The following DNMBP variants were observed in gnomAD, a reference collection of about 807,000 sequenced individuals.
DNMBP encodes dynamin binding protein.
DNMBP carries 87 observed loss-of-function variants against 150.0 expected under a neutral mutation model. The observed-to-expected ratio is 0.58, with a 90% CI of 0.49 to 0.69. The LOEUF (loss-of-function observed/expected upper bound fraction) is 0.69. DNMBP is among the 30% of genes least tolerant of loss of function. The pLI, the probability that DNMBP is intolerant of heterozygous loss-of-function variation, is 0.00. For synonymous variants in DNMBP, 711 were observed against 750.4 expected (o/e 0.95, Z 0.86); for missense variants, 1,774 against 1,949.0 (o/e 0.91, Z 1.69).
chr10:99,946,413 G>A (rs1253810040), intron 4 of DNMBP, among the ~76,000 whole-genome samples: 1 of 152,152 alleles, frequency 6.6e-6, no homozygotes, highest in Non-Finnish European at 1.5e-5. Flanking sequence ...CTATTTAAAG[G>A]CATGTAAACC....
intron 9 of DNMBP, 76 bp from the exon 10 acceptor site, chr10:99,896,473 C>T (rs1050528764): frequency 7.0e-7 from 1 of 1,434,428 alleles, no homozygotes; most frequent in Non-Finnish European, 9.8e-7. Flanking sequence ...AGATGAACAC[C>T]CAAACGGGAG....
At chr10:99,905,534 G>C (rs571742648) in intron 6 of DNMBP, among the ~76,000 whole-genome samples, 72 of 152,220 alleles carry the variant, frequency 4.7e-4, no homozygotes, top group Non-Finnish European at 2.9e-5. Context: ...ACCAGCCTGG[G>C]CAACAGAGCA....
chr10:99,887,729 A>C (rs1329109976), intron 12 of DNMBP, among the ~76,000 whole-genome samples: 1 of 152,226 alleles, frequency 6.6e-6, no homozygotes, highest in Non-Finnish European at 1.5e-5. Flanking sequence ...AGATCCCTAC[A>C]AAACTATCAA....
At chr10:99,891,793 G>A (rs1431349439) in intron 11 of DNMBP, among the ~76,000 whole-genome samples, 5 of 146,894 alleles carry the variant, frequency 3.4e-5, no homozygotes, top group African/African-American at 7.7e-5. Flanking sequence ...GCCGCCCATC[G>A]TCTGAGACGT....
intron 1 of DNMBP, among the ~76,000 whole-genome samples, chr10:99,988,541 ATAC>A (rs2040852093): frequency 6.6e-6 from 1 of 152,236 alleles, no homozygotes; most frequent in African/African-American, 2.4e-5. Flanking sequence ...ATTAGAATTC[ATAC>A]TAGCAACACT....
At chr10:99,931,880 A>G (rs1159401230) in intron 4 of DNMBP, among the ~76,000 whole-genome samples, 2 of 152,242 alleles carry the variant, frequency 1.3e-5, no homozygotes, top group Non-Finnish European at 2.9e-5. Context: ...TGGAGGCTTC[A>G]GGGAAGCGGT....
intron 9 of DNMBP, 108 bp from the exon 10 acceptor site, chr10:99,896,505 C>T (rs2039657775): frequency 4.7e-6 from 5 of 1,053,828 alleles, no homozygotes; most frequent in Non-Finnish European, 7.3e-6. Context: ...CTTCAATGAG[C>T]TTATAACAAA....
At chr10:99,981,599 A>G (rs1280138078) in intron 1 of DNMBP, among the ~76,000 whole-genome samples, 1 of 152,258 alleles carries the variant, frequency 6.6e-6, no homozygotes, top group Non-Finnish European at 1.5e-5. Flanking sequence ...CAGTTTAATA[A>G]GTAATTTCTA....
intron 12 of DNMBP, among the ~76,000 whole-genome samples, chr10:99,887,012 CCA>C (rs1205950621): frequency 6.6e-6 from 1 of 152,146 alleles, no homozygotes; most frequent in East Asian, 1.9e-4. Flanking sequence ...GAATTTAACT[CCA>C]GAGTTAGTTG....
At chr10:99,943,335 TCTATTATCTGTTA>T (rs1335607937) in intron 4 of DNMBP, among the ~76,000 whole-genome samples, 1 of 152,206 alleles carries the variant, frequency 6.6e-6, no homozygotes, top group East Asian at 1.9e-4. Context: ...GCTATTTAAT[TCTATTATCTGTTA>T]CTAGTTTGAG....
intron 6 of DNMBP, among the ~76,000 whole-genome samples, chr10:99,900,834 G>A (rs1407587586): frequency 1.3e-5 from 2 of 152,104 alleles, no homozygotes; most frequent in Non-Finnish European, 2.9e-5. Context: ...TTCTTCTACA[G>A]CAGCAGTTTC....
intron 1 of DNMBP, among the ~76,000 whole-genome samples, chr10:99,995,314 G>A (rs960203192): frequency 1.3e-5 from 2 of 152,116 alleles, no homozygotes; most frequent in African/African-American, 4.8e-5. Flanking sequence ...CTCCTGAACT[G>A]CTGGGATTAC....
At chr10:99,934,289 T>C (rs1439774826) in intron 4 of DNMBP, among the ~76,000 whole-genome samples, 1 of 151,802 alleles carries the variant, frequency 6.6e-6, no homozygotes, top group Admixed American at 6.6e-5. Context: ...AAGATGAATG[T>C]GAGCTTCTAA....
chr10:99,991,081 A>AT lies in DNMBP; in HGVS notation c.-11+18756dup, dbSNP rs200836314. Among the ~76,000 whole-genome samples the AT allele has an allele frequency of 2.8e-3, 399 of 144,216 alleles. 2 individuals carry two copies. The highest frequency in any genetic ancestry group is 6.3e-3 in the African/African-American group (249 of 39,514). The allele number at this position is 144,216 out of a possible 152,430, so 94.6% of individuals were successfully genotyped here. A position where few individuals can be genotyped will look rare whatever the true frequency, so the allele number is the denominator to read the frequency against. On this transcript the variant is annotated intron_variant, in intron 1 of 16. Transcript: ENST00000324109. ...TTAGAACTTCAAAACCTCATAAAGA[A>AT]TTTTTTTTTTTTTTTGAGATGAAGT...
chr10:99,880,310 C>T lies in DNMBP; in HGVS notation c.4049G>A (p.Arg1350His), dbSNP rs368470695. Residue 1350 changes from arginine to histidine, a missense_variant, in exon 16 of 17, where the codon CGC (arginine) becomes CAC (histidine). Around this residue, in one of 2 missense-constraint regions of DNMBP, gnomAD observed 1,430 missense variants for 1,492.5 expected, o/e 0.96. Coordinates refer to ENST00000324109, the MANE Select transcript of DNMBP (RefSeq NM_015221.4). The stretch of plus-strand genomic sequence containing the variant: ...ACCCACGGAGGCATCGGAGTGGCTG[C>T]GGCGAGGATTGTAGGGCTTTAGGAA... Reference protein sequence around the residue: ...SSFLKPYNPRRSHSDASVGSH... With the variant: ...SSFLKPYNPRHSHSDASVGSH... 25 of 1,611,844 alleles carry T rather than the reference C, an allele frequency of 1.6e-5. No homozygotes were observed. Among genetic ancestry groups the T allele is most frequent in the East Asian group, 2.2e-5 (1 of 44,864 alleles).
intron 2 of DNMBP, among the ~76,000 whole-genome samples, chr10:99,971,000 G>GAAAAAAAAAAAAAAAAAAAAAAAAAAA (rs1554871865): frequency 1.8e-5 from 2 of 111,960 alleles, no homozygotes; most frequent in African/African-American, 6.5e-5. Flanking sequence ...AAAAAAAAAG[G>GAAAAAAAAAAAAAAAAAAAAAAAAAAA]AAAGCAGTAG....
chr10:100,005,228 G>A (rs1233229000), intron 1 of DNMBP, among the ~76,000 whole-genome samples: 3 of 152,140 alleles, frequency 2.0e-5, no homozygotes, highest in Non-Finnish European at 4.4e-5. Flanking sequence ...GTCTCTGCAA[G>A]CCTATAATCC....
intron 1 of DNMBP, among the ~76,000 whole-genome samples, chr10:99,980,172 C>T (rs778726067): frequency 1.3e-5 from 2 of 151,804 alleles, no homozygotes; most frequent in Non-Finnish European, 2.9e-5. Context: ...GAGCTGGGTG[C>T]GGTGGCTCAG....
intron 4 of DNMBP, among the ~76,000 whole-genome samples, chr10:99,941,178 C>A (rs1192794476): frequency 1.3e-5 from 2 of 152,070 alleles, no homozygotes; most frequent in Admixed American, 1.3e-4. Flanking sequence ...AGCCACCGCA[C>A]CTGGCGTCAC....
Sources: gnomAD v4.1 joint callset for allele counts (sites outside exome capture counted in the v4.1 genomes callset) on GRCh38, gnomAD v4.1.1 for gene constraint, gnomAD v4.1.1 regional missense constraint, MANE v1.5 for transcripts, NCBI Gene and HGNC (gene_info 2026-07-23, HGNC 2026-07-21) for gene names.